The following RALYL variants were observed in gnomAD, a reference collection of about 807,000 sequenced individuals.
The protein encoded by RALYL is RALY RNA binding protein like.
Under a neutral mutation model 35.1 loss-of-function variants are expected in RALYL, and 29 were observed. The ratio of observed to expected loss-of-function variants is 0.83; its 90% CI spans 0.61 to 1.13. The LOEUF is 1.13. Ranked by LOEUF, RALYL falls within the 50% of genes most tolerant of loss-of-function variation. The pLI, the probability that RALYL is intolerant of heterozygous loss-of-function variation, is 0.00. For missense variants in RALYL, 359 were observed against 360.4 expected (o/e 1.00, Z 0.03); for synonymous variants, 120 against 127.6 (o/e 0.94, Z 0.40).
chr8:84,391,275 G>A (rs970670736), intron 1 of RALYL, among the ~76,000 whole-genome samples: 1 of 152,064 alleles, frequency 6.6e-6, no homozygotes, highest in Non-Finnish European at 1.5e-5. Context: ...CCTAGGAAAG[G>A]TGCCTAGTGA....
chr8:84,648,902 C>A (rs1215163996), intron 2 of RALYL, among the ~76,000 whole-genome samples: 1 of 151,700 alleles, frequency 6.6e-6, no homozygotes, highest in Admixed American at 6.6e-5. Flanking sequence ...AAGATTTTCT[C>A]ACCAAATCTT....
chr8:84,772,075 A>C (rs1339351947), intron 2 of RALYL, among the ~76,000 whole-genome samples: 5 of 152,040 alleles, frequency 3.3e-5, no homozygotes, highest in Admixed American at 3.3e-4. Context: ...GTGGATAACC[A>C]ATCATTCCAT....
chr8:84,860,623 T>C (rs1837919911), intron 5 of RALYL, among the ~76,000 whole-genome samples: 1 of 152,226 alleles, frequency 6.6e-6, no homozygotes, highest in South Asian at 2.1e-4. Context: ...ATCCTGCCTG[T>C]GCTCTTTGAA....
At chr8:84,313,240 G>A (rs183161742) in intron 1 of RALYL, among the ~76,000 whole-genome samples, 425 of 152,274 alleles carry the variant, frequency 2.8e-3, no homozygotes, top group African/African-American at 4.7e-3. Flanking sequence ...CCTGGCCCAC[G>A]AAACCATTTT....
intron 1 of RALYL, among the ~76,000 whole-genome samples, chr8:84,401,500 C>T (rs550934876): frequency 8.6e-5 from 13 of 151,230 alleles, no homozygotes; most frequent in African/African-American, 2.2e-4. Context: ...TAGCCGGGCG[C>T]GGTGGCGGGC....
chr8:84,237,378 C>G (rs58035053), intron 1 of RALYL, among the ~76,000 whole-genome samples: 15,334 of 152,078 alleles, frequency 0.1, 1,065 homozygotes, highest in African/African-American at 0.2. Context: ...AAGTGACAGT[C>G]TTGGGTATGC....
At chr8:84,231,612 G>GT (rs1372506207) in intron 1 of RALYL, among the ~76,000 whole-genome samples, 3 of 152,066 alleles carry the variant, frequency 2.0e-5, no homozygotes, top group Non-Finnish European at 4.4e-5. Context: ...TACTTTTTCT[G>GT]TTTTTAAAAC....
At chr8:84,519,450 G>C (rs2058299071) in intron 1 of RALYL, among the ~76,000 whole-genome samples, 2 of 152,088 alleles carry the variant, frequency 1.3e-5, no homozygotes, top group Admixed American at 1.3e-4. Flanking sequence ...AGACTCCTTG[G>C]GTTCTGTAGT....
intron 2 of RALYL, among the ~76,000 whole-genome samples, chr8:84,637,283 G>A (rs958339272): frequency 4.6e-5 from 7 of 151,826 alleles, no homozygotes; most frequent in African/African-American, 1.7e-4. Context: ...GTGTTTTCAG[G>A]TATTTAAGGA....
intron 1 of RALYL, among the ~76,000 whole-genome samples, chr8:84,284,031 A>G (rs1463779087): frequency 2.6e-5 from 4 of 152,212 alleles, no homozygotes; most frequent in African/African-American, 4.8e-5. Context: ...TGACTATAAT[A>G]CAAACTATAA....
intron 1 of RALYL, among the ~76,000 whole-genome samples, chr8:84,233,558 G>GAC (rs1277411873): frequency 3.9e-5 from 6 of 152,204 alleles, no homozygotes; most frequent in Admixed American, 1.3e-4. Context: ...AGAAAGCAAG[G>GAC]ACTAGTACTG....
chr8:84,287,635 A>T (rs1241656421), intron 1 of RALYL, among the ~76,000 whole-genome samples: 1 of 152,128 alleles, frequency 6.6e-6, no homozygotes, highest in Non-Finnish European at 1.5e-5. Flanking sequence ...CATGGGGGAA[A>T]AAAAAGCCCC....
intron 1 of RALYL, among the ~76,000 whole-genome samples, chr8:84,268,146 A>G (rs1170104658): frequency 3.3e-5 from 5 of 152,240 alleles, no homozygotes; most frequent in Non-Finnish European, 7.3e-5. Flanking sequence ...AGCTAATCCT[A>G]TATGACATGA....
chr8:84,312,437 T>A (rs1024640287), intron 1 of RALYL, among the ~76,000 whole-genome samples: 8 of 152,136 alleles, frequency 5.3e-5, no homozygotes, highest in Non-Finnish European at 7.4e-5. Flanking sequence ...AAAGTCCAAG[T>A]CCACAATTTC....
intron 8 of RALYL, among the ~76,000 whole-genome samples, chr8:84,889,022 T>A (rs1484868221): frequency 6.6e-6 from 1 of 152,220 alleles, no homozygotes; most frequent in African/African-American, 2.4e-5. Context: ...AGAGCTGGGA[T>A]TACATGTGTG....
intron 1 of RALYL, among the ~76,000 whole-genome samples, chr8:84,479,817 T>C (rs2053860371): frequency 2.0e-5 from 3 of 152,162 alleles, no homozygotes; most frequent in Admixed American, 2.0e-4. Context: ...TGAGCTTCTT[T>C]TCCCAGGGTA....
chr8:84,884,591 A>G (rs376212194), intron 7 of RALYL, among the ~76,000 whole-genome samples: 8 of 152,172 alleles, frequency 5.3e-5, no homozygotes, highest in African/African-American at 1.7e-4. Flanking sequence ...TCAAAAAGTA[A>G]GAGTTCTCAA....
At chr8:84,464,519 T>C in intron 1 of RALYL, among the ~76,000 whole-genome samples, 1 of 150,782 alleles carries the variant, frequency 6.6e-6, no homozygotes, top group African/African-American at 2.4e-5. Context: ...ATGTGCCACA[T>C]TTTCTTAATC....
chr8:84,680,057 G>A (rs1250401747), intron 2 of RALYL, among the ~76,000 whole-genome samples: 1 of 151,604 alleles, frequency 6.6e-6, no homozygotes, highest in African/African-American at 2.4e-5. Context: ...GTGTCCATGT[G>A]TTCTCATTGT....
Sources: gnomAD v4.1 joint callset for allele counts (sites outside exome capture counted in the v4.1 genomes callset) on GRCh38, gnomAD v4.1.1 for gene constraint, MANE v1.5 for transcripts, NCBI Gene and HGNC (gene_info 2026-07-23, HGNC 2026-07-21) for gene names.